Variants in CCDC3 observed in about 807,000 individuals in gnomAD.
The protein encoded by CCDC3 is coiled-coil domain containing 3.
CCDC3 carries 24 observed loss-of-function variants against 21.4 expected under a neutral mutation model. The observed-to-expected ratio is 1.12, with a 90% CI of 0.81 to 1.58. The LOEUF is 1.58. Ranked by LOEUF, CCDC3 falls within the 40% of genes most tolerant of loss-of-function variation. The pLI, the probability that CCDC3 is intolerant of heterozygous loss-of-function variation, is 0.00. For synonymous variants in CCDC3, 186 were observed against 166.0 expected (o/e 1.12, Z -0.93); for missense variants, 425 against 360.9 (o/e 1.18, Z -1.44).
At chr10:12,933,477 CAG>C (rs1310756938) in intron 2 of CCDC3, among the ~76,000 whole-genome samples, 1 of 127,918 alleles carries the variant, frequency 7.8e-6, no homozygotes, top group Non-Finnish European at 1.6e-5. Flanking sequence ...TTTTTTGAGA[CAG>C]AGTCTTGCTC....
intron 4 of CCDC3, among the ~76,000 whole-genome samples, chr10:13,061,196 CA>C (rs1836753195): frequency 6.6e-6 from 1 of 152,156 alleles, no homozygotes; most frequent in South Asian, 2.1e-4. Flanking sequence ...ATTTTCCAGC[CA>C]TTCTAAAATC....
rs186569798 is a variant in CCDC3 at position 12,934,369 on chromosome 10, G to A, written c.550-35690C>T. ...TAAGGTATGTTTTATGACCCAGAAT[G>A]TGATCTATCTTGGTAAATGTTACAT... On this transcript the variant is annotated intron_variant, in intron 2 of 2. Transcript: ENST00000378825. Among the ~76,000 whole-genome samples, 18 of 152,248 alleles carry A rather than the reference G, an allele frequency of 1.2e-4. No individual in the cohort carries two copies. The East Asian group carries it at 3.5e-3, about 29-fold the overall frequency.
At chr10:12,918,224 T>C (rs1351728543) in intron 2 of CCDC3, among the ~76,000 whole-genome samples, 1 of 152,248 alleles carries the variant, frequency 6.6e-6, no homozygotes, top group Non-Finnish European at 1.5e-5. Context: ...CAGTGCCATA[T>C]GACTTTTGTT....
chr10:13,094,844 A>T (rs774870138), intron 3 of CCDC3, among the ~76,000 whole-genome samples: 1 of 152,022 alleles, frequency 6.6e-6, no homozygotes, highest in Non-Finnish European at 1.5e-5. Flanking sequence ...AGCCTGGGTG[A>T]CAGAGCAAGA....
At chr10:12,918,086 C>A (rs1834385847) in intron 2 of CCDC3, among the ~76,000 whole-genome samples, 1 of 152,118 alleles carries the variant, frequency 6.6e-6, no homozygotes, top group African/African-American at 2.4e-5. Context: ...CAATTATTCT[C>A]CCATATTTTA....
At chr10:12,976,765 T>C (rs1227730627) in intron 2 of CCDC3, among the ~76,000 whole-genome samples, 1 of 152,206 alleles carries the variant, frequency 6.6e-6, no homozygotes, top group Non-Finnish European at 1.5e-5. Context: ...CTCTGTCCGA[T>C]ACTACAGTGG....
chr10:13,008,682 G>T (rs1029709565), intron 5 of CCDC3, among the ~76,000 whole-genome samples: 2 of 152,142 alleles, frequency 1.3e-5, no homozygotes, highest in Non-Finnish European at 1.5e-5. Flanking sequence ...TGAATTTGTG[G>T]ATATACACTT....
At chr10:12,941,480 C>G (rs1589015319) in intron 2 of CCDC3, among the ~76,000 whole-genome samples, 1 of 152,176 alleles carries the variant, frequency 6.6e-6, no homozygotes, top group South Asian at 2.1e-4. Context: ...GATCAGGACC[C>G]CTTTCTGGTA....
chr10:12,900,584 G>T (rs541075277), intron 2 of CCDC3, among the ~76,000 whole-genome samples: 2 of 149,230 alleles, frequency 1.3e-5, no homozygotes, highest in Non-Finnish European at 3.0e-5. Context: ...CCAGCTACTC[G>T]GGAGGCTGAG....
chr10:12,939,017 T>C (rs966679617), intron 2 of CCDC3, among the ~76,000 whole-genome samples: 1 of 151,694 alleles, frequency 6.6e-6, no homozygotes, highest in Non-Finnish European at 1.5e-5. Flanking sequence ...CTCCTATCTC[T>C]GAGAGGTTGG....
intron 2 of CCDC3, among the ~76,000 whole-genome samples, chr10:12,925,632 C>T (rs1291725046): frequency 3.3e-5 from 5 of 152,254 alleles, no homozygotes; most frequent in African/African-American, 1.2e-4. Context: ...GGTCTTAACT[C>T]TTGCCTCTGG....
intron 2 of CCDC3, among the ~76,000 whole-genome samples, chr10:12,941,322 C>G (rs1834828288): frequency 6.6e-6 from 1 of 152,162 alleles, no homozygotes; most frequent in South Asian, 2.1e-4. Context: ...AAAGAAGTAA[C>G]CATAAAAATG....
At chr10:13,037,918 C>T (rs1156877143) in intron 5 of CCDC3, among the ~76,000 whole-genome samples, 1 of 152,188 alleles carries the variant, frequency 6.6e-6, no homozygotes, top group Non-Finnish European at 1.5e-5. Flanking sequence ...TACTCCTCTG[C>T]TGGTTCCACA....
rs1353972213 is a variant in CCDC3 at position 13,055,689 on chromosome 10, C to T, written c.-269-5748G>A. Among the ~76,000 whole-genome samples the T allele has an allele frequency of 3.9e-5, 6 of 152,348 alleles. 1 individual carries two copies. The highest frequency in any genetic ancestry group is 6.8e-3 in the Middle Eastern group (2 of 294). ...GCTAGCTTTAAAGACACTCTTCCAACATGAATAGTTCTTATTACGGTACCT... is the reference window on the plus strand; with the variant it reads ...GCTAGCTTTAAAGACACTCTTCCAATATGAATAGTTCTTATTACGGTACCT... On this transcript the variant is annotated intron_variant, in intron 4 of 6. Transcript: ENST00000378839.
chr10:12,920,832 A>G (rs1160754193), intron 2 of CCDC3, among the ~76,000 whole-genome samples: 1 of 152,182 alleles, frequency 6.6e-6, no homozygotes, highest in African/African-American at 2.4e-5. Flanking sequence ...TGGAAATCAG[A>G]AGGTCTATCT....
intron 5 of CCDC3, among the ~76,000 whole-genome samples, chr10:13,016,556 G>A (rs633842): frequency 0.66 from 99,443 of 151,616 alleles, 33,215 homozygotes; most frequent in East Asian, 0.76. Context: ...GCAGGAAGCC[G>A]ATGTTATTTC....
chr10:12,898,698 T>C lies in CCDC3; in HGVS notation c.550-19A>G, dbSNP rs1199733824. 1.9e-6 allele frequency: 3 copies of C among 1,612,512 alleles called. No individual in the cohort carries two copies. The highest frequency in any genetic ancestry group is 2.5e-6 in the Non-Finnish European group (3 of 1,178,786). ...ACATGAGCTGGAGGCAGAGACAGCG[T>C]GCAAGGAGAGGAGGTGAGTCCCAGA... On this transcript the variant is annotated intron_variant, in intron 2 of 2. Coordinates refer to ENST00000378825, the MANE Select transcript of CCDC3 (RefSeq NM_031455.4).
At position 13,026,572 on chromosome 10, in the gene CCDC3, T is replaced by C. The variant is rs925324322; in HGVS notation, c.-2+23102A>G. ...CACTTAGCATTCAATACCTGGGATATATCTTTTTCACATAGCAATAGAAAA... is the reference window on the plus strand; with the variant it reads ...CACTTAGCATTCAATACCTGGGATACATCTTTTTCACATAGCAATAGAAAA... On this transcript the variant is annotated intron_variant, in intron 5 of 6. Coordinates refer to the CCDC3 transcript ENST00000378839. 5.3e-5 allele frequency among the ~76,000 whole-genome samples: 8 copies of C among 152,230 alleles called. No homozygotes were observed. The East Asian group carries it at 1.5e-3, about 29-fold the overall frequency.
intron 3 of CCDC3, among the ~76,000 whole-genome samples, chr10:13,096,725 C>A (rs1338354533): frequency 1.3e-5 from 2 of 152,150 alleles, no homozygotes; most frequent in Non-Finnish European, 2.9e-5. Flanking sequence ...GCAGAATCTG[C>A]GGGAGGTTCC....
Sources: gnomAD v4.1 joint callset for allele counts (sites outside exome capture counted in the v4.1 genomes callset) on GRCh38, gnomAD v4.1.1 for gene constraint, MANE v1.5 for transcripts, NCBI Gene and HGNC (gene_info 2026-07-23, HGNC 2026-07-21) for gene names.